VEPH1: variants seen among roughly 807,000 people sequenced by gnomAD.
The protein encoded by VEPH1 is ventricular zone expressed PH domain containing 1.
A neutral mutation model predicts 85.2 loss-of-function variants in VEPH1; 80 were observed. That is an observed-to-expected ratio of 0.94 (90% CI 0.78 to 1.13). The LOEUF (loss-of-function observed/expected upper bound fraction) is 1.13, where lower values mean the gene tolerates loss of function less well. Ranked by LOEUF, VEPH1 falls within the 50% of genes most tolerant of loss-of-function variation. The pLI is 0.00. For missense variants in VEPH1, 955 were observed against 980.5 expected, an observed-to-expected ratio of 0.97 and a Z score of 0.35; for synonymous variants, 297 against 348.0, an observed-to-expected ratio of 0.85 and a Z score of 1.63.
At chr3:157,475,336 T>G (rs149676133) in intron 2 of VEPH1, among the ~76,000 whole-genome samples, 6 of 152,250 alleles carry the variant, frequency 3.9e-5, no homozygotes, top group Admixed American at 1.3e-4. Context: ...ATTAAATATA[T>G]GTCTCTTCTT....
intron 9 of VEPH1, among the ~76,000 whole-genome samples, chr3:157,325,160 C>CT (rs992128165): frequency 1.3e-5 from 2 of 151,976 alleles, no homozygotes; most frequent in Non-Finnish European, 2.9e-5. Context: ...TGTTCATGTC[C>CT]TTTGCCCACT....
At chr3:157,498,976 C>T (rs765243252) in intron 1 of VEPH1, among the ~76,000 whole-genome samples, 1 of 152,164 alleles carries the variant, frequency 6.6e-6, no homozygotes, top group Non-Finnish European at 1.5e-5. Context: ...TTGCTAGACA[C>T]TAGATGCTTT....
intron 9 of VEPH1, among the ~76,000 whole-genome samples, chr3:157,339,687 A>G (rs1723319732): frequency 6.6e-6 from 1 of 152,210 alleles, no homozygotes; most frequent in African/African-American, 2.4e-5. Context: ...AAAGGAATGC[A>G]CTGCTAATAT....
At chr3:157,339,161 T>G (rs1218386129) in intron 9 of VEPH1, among the ~76,000 whole-genome samples, 1 of 152,164 alleles carries the variant, frequency 6.6e-6, no homozygotes, top group Non-Finnish European at 1.5e-5. Context: ...CTCCTAAAAG[T>G]GGAGGTTATT....
At chr3:157,279,885 G>T (rs945612583) in intron 12 of VEPH1, among the ~76,000 whole-genome samples, 1 of 151,810 alleles carries the variant, frequency 6.6e-6, no homozygotes, top group South Asian at 2.1e-4. Context: ...GTGTGGTGGC[G>T]CATGTCTGTA....
intron 4 of VEPH1, chr3:157,437,787 G>A: frequency 2.0e-6 from 3 of 1,465,110 alleles, no homozygotes; most frequent in South Asian, 2.7e-5. Flanking sequence ...CGCGTATGGA[G>A]GGCGCGGAGG....
At chr3:157,278,513 T>C (rs1715687453) in intron 12 of VEPH1, among the ~76,000 whole-genome samples, 1 of 152,182 alleles carries the variant, frequency 6.6e-6, no homozygotes, top group Non-Finnish European at 1.5e-5. Context: ...TTAAGAGCTA[T>C]GGGAAGCTAC....
chr3:157,381,593 C>A (rs1728781434), intron 6 of VEPH1: 1 of 543,414 alleles, frequency 1.8e-6, no homozygotes, highest in Non-Finnish European at 3.3e-6. Flanking sequence ...GTGGCACATG[C>A]CTGTAATCCC....
chr3:157,442,692 G>T (rs752668450), intron 4 of VEPH1: 4 of 1,614,214 alleles, frequency 2.5e-6, no homozygotes, highest in Admixed American at 1.7e-5. Context: ...GTGGGTAAAT[G>T]GTGAACTGGC....
rs1559913511 is a variant in VEPH1 at position 157,272,286 on chromosome 3, TTCCTTCCTTCCCTTC to T, written c.2129-6639_2129-6625del. 1.6e-4 allele frequency among the ~76,000 whole-genome samples: 12 copies of T among 72,836 alleles called. No homozygotes were observed. In the East Asian group the frequency reaches 5.5e-3, roughly 33 times the overall value. The allele number at this position is 72,836 out of a possible 152,430, so 47.8% of individuals were successfully genotyped here. ...CTTCCTTCCTTCCTTCCTTCCTTCC[TTCCTTCCTTCCCTTC>T]CTCTCTCTCTCTCTCCCTCTCTCTC... is the stretch of plus-strand genomic sequence containing the variant. On this transcript the variant is annotated intron_variant, in intron 12 of 13. Transcript: ENST00000362010.
At position 157,496,890 on chromosome 3, in the gene VEPH1, C is replaced by T. The variant is rs965930761; in HGVS notation, c.-157-1384G>A. 1.3e-5 allele frequency among the ~76,000 whole-genome samples: 2 copies of T among 152,256 alleles called. 1 individual carries two copies. The highest frequency in any genetic ancestry group is 1.3e-4 in the Admixed American group (2 of 15,292). On this transcript the variant is annotated intron_variant, in intron 1 of 13. Transcript: ENST00000362010. ...TATATGCAATTTTTGTACTATCTAC[C>T]AGCTTTTGAAAAATGAAGCCTAACA...
chr3:157,268,425 A>G (rs539607939), intron 12 of VEPH1, among the ~76,000 whole-genome samples: 91 of 152,366 alleles, frequency 6.0e-4, no homozygotes, highest in African/African-American at 2.1e-3. Flanking sequence ...GTTAAAACAA[A>G]CAACAAAAAC....
Position 157,377,439 on chromosome 3 carries a change from T to C in VEPH1, c.1127+3717A>G, listed in dbSNP as rs1297296567. On this transcript the variant is annotated intron_variant, in intron 7 of 13. Transcript: ENST00000362010. ...CATATCTCCTAAATTCTTCTTTTCA[T>C]GGGGAAATTGTTCATTGCTAATTGG... Among the ~76,000 whole-genome samples the C allele has an allele frequency of 2.0e-5, 3 of 151,960 alleles. No homozygotes were observed. In the East Asian group the frequency reaches 5.8e-4, roughly 29 times the overall value.
intron 9 of VEPH1, among the ~76,000 whole-genome samples, chr3:157,326,097 G>A (rs534940886): frequency 6.6e-6 from 1 of 152,154 alleles, no homozygotes; most frequent in African/African-American, 2.4e-5. Flanking sequence ...TGTGGTAATT[G>A]TGAATGGGAG....
At chr3:157,432,990 A>G (rs1202913521) in intron 4 of VEPH1, among the ~76,000 whole-genome samples, 5 of 152,150 alleles carry the variant, frequency 3.3e-5, no homozygotes, top group Non-Finnish European at 5.9e-5. Context: ...TATTTTTGCT[A>G]CTGTAAATGA....
intron 7 of VEPH1, among the ~76,000 whole-genome samples, chr3:157,369,193 A>AAAAAAAAAAAAAAAC (rs1553773125): frequency 2.1e-5 from 3 of 140,568 alleles, no homozygotes; most frequent in South Asian, 2.5e-4. Flanking sequence ...AAAAAAAAAA[A>AAAAAAAAAAAAAAAC]AAAAAAAAAA....
intron 2 of VEPH1, among the ~76,000 whole-genome samples, chr3:157,488,503 CTTTCTTT>C (rs928048862): frequency 7.5e-6 from 1 of 134,208 alleles, no homozygotes; most frequent in African/African-American, 2.9e-5. Context: ...TTCTTTCTTT[CTTTCTTT>C]TTTTTTTTTT....
At chr3:157,476,083 A>T (rs1160867287) in intron 2 of VEPH1, among the ~76,000 whole-genome samples, 1 of 152,220 alleles carries the variant, frequency 6.6e-6, no homozygotes, top group Non-Finnish European at 1.5e-5. Flanking sequence ...CTCTGTCATC[A>T]GTCACTCCAG....
intron 11 of VEPH1, among the ~76,000 whole-genome samples, chr3:157,291,064 T>C (rs1463302013): frequency 6.6e-6 from 1 of 152,202 alleles, no homozygotes; most frequent in Non-Finnish European, 1.5e-5. Context: ...ACTTTGGGTT[T>C]TGGCACATTT....
Sources: allele counts gnomAD v4.1 joint callset (sites outside exome capture counted in the v4.1 genomes callset), GRCh38; gene constraint gnomAD v4.1.1; transcripts MANE v1.5; gene names NCBI Gene and HGNC (gene_info 2026-07-23, HGNC 2026-07-21).